Variants in PTPRO observed in about 807,000 individuals in gnomAD.
PTPRO encodes the protein protein tyrosine phosphatase receptor type O, also known as receptor-type tyrosine-protein phosphatase O.
Under a neutral mutation model 145.2 loss-of-function variants are expected in PTPRO, and 62 were observed. The observed-to-expected ratio is 0.43, with a 90% CI of 0.35 to 0.53. PTPRO has a LOEUF of 0.53. Among genes scored for constraint, PTPRO ranks in the 20% least tolerant of loss-of-function variants. PTPRO has a pLI of 0.01. For synonymous variants in PTPRO, 565 were observed against 514.7 expected (o/e 1.10, Z -1.32); for missense variants, 1,345 against 1,482.7 (o/e 0.91, Z 1.53).
intron 18 of PTPRO, 72 bp downstream of exon 18, chr12:15,565,700 C>A: frequency 1.8e-6 from 2 of 1,122,866 alleles, no homozygotes; most frequent in Non-Finnish European, 2.7e-6. Context: ...TTAAAGATTG[C>A]TTGTCTTCAA....
intron 1 of PTPRO, among the ~76,000 whole-genome samples, chr12:15,451,562 G>T (rs376969400): frequency 6.6e-6 from 1 of 152,036 alleles, no homozygotes; most frequent in African/African-American, 2.4e-5. Flanking sequence ...ATCAGCACAT[G>T]GAACATTCTC....
chr12:15,559,652 T>C (rs1181134135), intron 16 of PTPRO, among the ~76,000 whole-genome samples: 2 of 152,154 alleles, frequency 1.3e-5, no homozygotes, highest in Non-Finnish European at 2.9e-5. Context: ...ATAAATTTTA[T>C]AGTAATTTAA....
At chr12:15,442,386 A>G (rs940278295) in intron 1 of PTPRO, among the ~76,000 whole-genome samples, 1 of 152,208 alleles carries the variant, frequency 6.6e-6, no homozygotes, top group Non-Finnish European at 1.5e-5. Flanking sequence ...CACAGTCAGC[A>G]TCATACTGAA....
intron 1 of PTPRO, among the ~76,000 whole-genome samples, chr12:15,340,529 A>C (rs561091363): frequency 6.6e-6 from 1 of 152,208 alleles, no homozygotes; most frequent in Non-Finnish European, 1.5e-5. Flanking sequence ...AAAAGTCTGT[A>C]TATCAGTGGA....
chr12:15,347,991 T>C (rs932282493), intron 1 of PTPRO, among the ~76,000 whole-genome samples: 8 of 152,210 alleles, frequency 5.3e-5, no homozygotes, highest in African/African-American at 1.9e-4. Flanking sequence ...GCATTATTTA[T>C]AGATCATCTA....
intron 1 of PTPRO, among the ~76,000 whole-genome samples, chr12:15,415,497 GC>G (rs1354147141): frequency 1.3e-5 from 2 of 151,566 alleles, no homozygotes; most frequent in African/African-American, 4.9e-5. Context: ...CCATTCTCCT[GC>G]CTCAGCCTCC....
chr12:15,327,620 G>T (rs887577681), intron 1 of PTPRO, among the ~76,000 whole-genome samples: 1 of 152,132 alleles, frequency 6.6e-6, no homozygotes, highest in Admixed American at 6.5e-5. Context: ...CTCTTCTATA[G>T]TCATCTTAAA....
chr12:15,346,855 G>A (rs1190270656), intron 1 of PTPRO, among the ~76,000 whole-genome samples: 3 of 152,026 alleles, frequency 2.0e-5, no homozygotes, highest in Non-Finnish European at 4.4e-5. Context: ...CTTCTTCAGG[G>A]GTTTAAAGTC....
At chr12:15,554,055 G>A (rs188869490) in intron 15 of PTPRO, among the ~76,000 whole-genome samples, 25 of 152,266 alleles carry the variant, frequency 1.6e-4, no homozygotes, top group Non-Finnish European at 3.2e-4. Flanking sequence ...TTAGCTGGGC[G>A]TGGTGGCACA....
intron 19 of PTPRO, among the ~76,000 whole-genome samples, chr12:15,573,984 T>C (rs1944119702): frequency 1.3e-5 from 2 of 152,218 alleles, no homozygotes; most frequent in South Asian, 4.1e-4. Flanking sequence ...GTCTAGATAA[T>C]TCCAGCAGCT....
At chr12:15,587,260 C>A in intron 24 of PTPRO, 1 of 596,046 alleles carries the variant, frequency 1.7e-6, no homozygotes, top group Non-Finnish European at 2.9e-6. Flanking sequence ...TGTTATTATT[C>A]CAATTTTTAA....
chr12:15,504,001 C>T lies in PTPRO; in HGVS notation c.1199C>T (p.Thr400Ile), dbSNP rs1327445515. 6.2e-7 allele frequency: 1 copy of T among 1,611,446 alleles called. No homozygotes were observed. The highest frequency in any genetic ancestry group is 8.5e-7 in the Non-Finnish European group (1 of 1,177,888). The change falls in exon 6 of 27, where the codon ACC (threonine) becomes ATC (isoleucine). Residue 400 changes from threonine to isoleucine, a missense_variant. Transcript: ENST00000281171. Reference sequence around the variant, plus strand: ...GGGAAATATAAGTTATCTGTGACAACCTTTAGTTCCTCAGGATCTTGTGAA... The same window carrying T: ...GGGAAATATAAGTTATCTGTGACAATCTTTAGTTCCTCAGGATCTTGTGAA... ...EPGKYKLSVTTFSSSGSCETR... is the reference protein window; with the variant it reads ...EPGKYKLSVTIFSSSGSCETR...
rs558292519 is a variant in PTPRO at position 15,539,277 on chromosome 12, C to T, written c.2165-7292C>T. 4.3e-4 allele frequency among the ~76,000 whole-genome samples: 66 copies of T among 151,772 alleles called. No individual in the cohort carries two copies. In the South Asian group the frequency reaches 0.013, roughly 29 times the overall value. ...ACCACTATGCAATCTATGCATGTAA[C>T]GAAATTACACTAGTATCCCATAAAC... On this transcript the variant is annotated intron_variant, in intron 12 of 26. Transcript: ENST00000281171.
At chr12:15,537,009 A>G (rs1319207000) in intron 12 of PTPRO, among the ~76,000 whole-genome samples, 1 of 152,216 alleles carries the variant, frequency 6.6e-6, no homozygotes, top group Non-Finnish European at 1.5e-5. Context: ...GATGTTGTCT[A>G]TGAATGAGTA....
chr12:15,473,768 C>CAAA (rs11340085), intron 1 of PTPRO, among the ~76,000 whole-genome samples: 83 of 65,506 alleles, frequency 1.3e-3, no homozygotes, highest in East Asian at 2.5e-3. Flanking sequence ...GACTCCATCT[C>CAAA]AAAAAAAAAA....
At chr12:15,525,023 G>GA in intron 11 of PTPRO, 58 bp downstream of exon 11, 3 of 1,575,176 alleles carry the variant, frequency 1.9e-6, no homozygotes. Context: ...ATGAACTATT[G>GA]AAAACCACTA....
intron 1 of PTPRO, among the ~76,000 whole-genome samples, chr12:15,431,763 T>C (rs772910867): frequency 8.5e-5 from 13 of 152,202 alleles, no homozygotes; most frequent in Non-Finnish European, 1.6e-4. Flanking sequence ...TTTTGGAATC[T>C]AGATTAAAGA....
At chr12:15,586,380 C>T (rs1418871300) in intron 23 of PTPRO, among the ~76,000 whole-genome samples, 1 of 152,110 alleles carries the variant, frequency 6.6e-6, no homozygotes, top group Non-Finnish European at 1.5e-5. Flanking sequence ...ATTTTTGTAC[C>T]CCACAATTAG....
chr12:15,490,473 A>T, intron 2 of PTPRO, among the ~76,000 whole-genome samples: 1 of 152,218 alleles, frequency 6.6e-6, no homozygotes, highest in East Asian at 1.9e-4. Flanking sequence ...TTATTTTTTT[A>T]TACAATTTTC....
Sources: gnomAD v4.1 joint callset for allele counts (sites outside exome capture counted in the v4.1 genomes callset) on GRCh38, gnomAD v4.1.1 for gene constraint, MANE v1.5 for transcripts, NCBI Gene and HGNC (gene_info 2026-07-23, HGNC 2026-07-21) for gene names.